THRAP3: variants seen among roughly 807,000 people sequenced by gnomAD.
THRAP3 encodes the protein thyroid hormone receptor associated protein 3.
Under a neutral mutation model 101.0 loss-of-function variants are expected in THRAP3, and 16 were observed. That is an observed-to-expected ratio of 0.16 (90% CI 0.11 to 0.24). THRAP3 has a LOEUF of 0.24. Ranked by LOEUF, THRAP3 falls within the 10% of genes least tolerant of loss-of-function variation. The pLI is 1.00. For synonymous variants in THRAP3, 407 were observed against 422.6 expected (o/e 0.96, Z 0.45); for missense variants, 989 against 1,202.7 (o/e 0.82, Z 2.63).
At chr1:36,241,027 A>G (rs984702183) in intron 1 of THRAP3, among the ~76,000 whole-genome samples, 3 of 152,006 alleles carry the variant, frequency 2.0e-5, no homozygotes, top group Admixed American at 6.6e-5. Flanking sequence ...TAACACGGTG[A>G]AACCCCGTCT....
chr1:36,266,160 GAAAA>G (rs11446813), intron 2 of THRAP3, among the ~76,000 whole-genome samples: 1 of 139,140 alleles, frequency 7.2e-6, no homozygotes, highest in Non-Finnish European at 1.5e-5. Flanking sequence ...CTCAAAAAAA[GAAAA>G]AAAAAAAAAA....
At chr1:36,213,441 G>A in the THRAP3 span, among the ~76,000 whole-genome samples, 1 of 152,154 alleles carries the variant, frequency 6.6e-6, no homozygotes, top group Non-Finnish European at 1.5e-5. Flanking sequence ...TTCAGTAGAT[G>A]TTCTGGGGGC....
intron 1 of THRAP3, among the ~76,000 whole-genome samples, chr1:36,248,113 C>T (rs1645253659): frequency 1.3e-5 from 2 of 152,152 alleles, no homozygotes; most frequent in Non-Finnish European, 2.9e-5. Flanking sequence ...CTCCAGACCT[C>T]AGGTGATCCG....
chr1:36,239,014 A>G (rs1229644073), intron 1 of THRAP3, among the ~76,000 whole-genome samples: 9 of 151,824 alleles, frequency 5.9e-5, no homozygotes, highest in African/African-American at 1.9e-4. Context: ...GCTCACTGCA[A>G]GCTCCGCCTC....
chr1:36,263,836 T>C (rs1400206512), intron 2 of THRAP3, among the ~76,000 whole-genome samples: 1 of 152,236 alleles, frequency 6.6e-6, no homozygotes, highest in Non-Finnish European at 1.5e-5. Flanking sequence ...AGTGAACTTT[T>C]AGCTTGCTGT....
At chr1:36,276,478 C>T (rs564319934) in intron 2 of THRAP3, among the ~76,000 whole-genome samples, 102 of 146,108 alleles carry the variant, frequency 7.0e-4, no homozygotes, top group Non-Finnish European at 1.2e-3. Context: ...GAGCTGAGAT[C>T]GTGCCACTGC....
chr1:36,220,966 A>AT (rs1420537162), upstream of THRAP3, among the ~76,000 whole-genome samples: 5 of 134,214 alleles, frequency 3.7e-5, no homozygotes, highest in African/African-American at 1.5e-4. Flanking sequence ...AAAAAAAAAA[A>AT]AAAAAAATAT....
intron 1 of THRAP3, among the ~76,000 whole-genome samples, chr1:36,246,098 G>A (rs975668816): frequency 2.0e-5 from 3 of 152,126 alleles, no homozygotes; most frequent in African/African-American, 7.2e-5. Context: ...CTAGTAAAGG[G>A]GATAGAGCTG....
chr1:36,261,164 G>A (rs1022629747), intron 2 of THRAP3, among the ~76,000 whole-genome samples: 5 of 151,930 alleles, frequency 3.3e-5, no homozygotes, highest in Admixed American at 2.6e-4. Context: ...TTGGGAGGCC[G>A]AGGAGGGCAG....
chr1:36,265,097 C>T (rs1300382034), intron 2 of THRAP3, among the ~76,000 whole-genome samples: 1 of 152,086 alleles, frequency 6.6e-6, no homozygotes, highest in Non-Finnish European at 1.5e-5. Flanking sequence ...TTAGGACTTC[C>T]CATATATGAT....
chr1:36,252,017 A>G (rs922589876), intron 1 of THRAP3, among the ~76,000 whole-genome samples: 1 of 152,148 alleles, frequency 6.6e-6, no homozygotes, highest in Non-Finnish European at 1.5e-5. Context: ...ACTGACTTTT[A>G]TTTGTTTTAC....
intron 1 of THRAP3, among the ~76,000 whole-genome samples, chr1:36,253,636 T>A (rs983093444): frequency 1.3e-5 from 2 of 152,064 alleles, no homozygotes; most frequent in African/African-American, 4.8e-5. Context: ...CTCCGTCAGC[T>A]AGTCTGGAGT....
At chr1:36,294,241 T>C (rs1645917335) in intron 8 of THRAP3, 1 of 1,138,622 alleles carries the variant, frequency 8.8e-7, no homozygotes, top group Non-Finnish European at 1.1e-6. Flanking sequence ...TTTTTCTGCT[T>C]GTAAGTATTA....
intron 2 of THRAP3, among the ~76,000 whole-genome samples, chr1:36,261,765 T>G (rs1301888889): frequency 6.6e-6 from 1 of 152,182 alleles, no homozygotes; most frequent in Non-Finnish European, 1.5e-5. Context: ...TGATTTCTTT[T>G]GTAAACTTAG....
At chr1:36,219,004 G>T in the THRAP3 span, among the ~76,000 whole-genome samples, 1 of 131,294 alleles carries the variant, frequency 7.6e-6, no homozygotes, top group Admixed American at 9.0e-5. Flanking sequence ...CTGCACTCTA[G>T]CCTAGGCAAC....
In THRAP3 at chr1:36,255,829, G is replaced by A. The variant is rs557903669; in HGVS notation, c.-134-3553G>A. Among the ~76,000 whole-genome samples, 1,686 of 150,546 alleles carry A rather than the reference G, an allele frequency of 0.011. 77 individuals are homozygous for A. In the East Asian group the frequency reaches 0.13, roughly 12 times the overall value. ...CCAGGGGTACTTGAGGTGAGATAAGGAAAAAAAAATTCAGTCTTGTGTACC... is the reference window on the plus strand; with the variant it reads ...CCAGGGGTACTTGAGGTGAGATAAGAAAAAAAAAATTCAGTCTTGTGTACC... On this transcript the variant is annotated intron_variant, in intron 1 of 11. Transcript: ENST00000354618.
In THRAP3 at chr1:36,297,486, T is replaced by C. The variant is rs1645967754; in HGVS notation, c.2303+716T>C. ...TTTTTTGAGATGGAGTCTTGCTCTG[T>C]TGCCTAGGCTAGAGTGCAGTGGCGC... is the stretch of plus-strand genomic sequence containing the variant. On this transcript the variant is annotated intron_variant, in intron 9 of 11. Transcript: ENST00000354618. Among the ~76,000 whole-genome samples, 6 of 150,028 alleles carry C rather than the reference T, an allele frequency of 4.0e-5. No homozygotes were observed. In the South Asian group the frequency reaches 1.3e-3, roughly 32 times the overall value.
At position 36,304,271 on chromosome 1, in the gene THRAP3, T is replaced by A; in HGVS notation, c.*254T>A. Reference sequence around the variant, plus strand: ...ACGCATTGGGCTTTAGCTGTTTTTCTCATTTGTTGGTGTGTGGGGTGGGGG... The same window carrying A: ...ACGCATTGGGCTTTAGCTGTTTTTCACATTTGTTGGTGTGTGGGGTGGGGG... On this transcript the variant is annotated 3_prime_UTR_variant, in exon 12 of 12. Coordinates refer to ENST00000354618, the MANE Select transcript of THRAP3 (RefSeq NM_005119.4). The A allele has an allele frequency of 2.8e-6, 1 of 360,090 alleles. No individual in the cohort carries two copies. The highest frequency in any genetic ancestry group is 4.5e-5 in the East Asian group (1 of 21,994). 22.3% of individuals were successfully genotyped at this position (360,090 alleles called of 1,614,324 possible).
chr1:36,232,746 AAAT>A (rs1645041762), intron 1 of THRAP3, among the ~76,000 whole-genome samples: 1 of 152,300 alleles, frequency 6.6e-6, no homozygotes, highest in East Asian at 1.9e-4. Context: ...TAGCAGTTGA[AAAT>A]AATTTGTACA....
Sources: allele counts gnomAD v4.1 joint callset (sites outside exome capture counted in the v4.1 genomes callset), GRCh38; gene constraint gnomAD v4.1.1; transcripts MANE v1.5; gene names NCBI Gene and HGNC (gene_info 2026-07-23, HGNC 2026-07-21).